Variants in IL1RAPL1 observed in about 807,000 individuals in gnomAD.
The protein encoded by IL1RAPL1 is interleukin-1 receptor accessory protein-like 1.
In IL1RAPL1, 3 loss-of-function variants were observed where a neutral mutation model predicts 48.4. That is an observed-to-expected ratio of 0.06 (90% CI 0.03 to 0.16). The LOEUF (loss-of-function observed/expected upper bound fraction) is 0.16, where lower values mean the gene tolerates loss of function less well. Ranked by LOEUF, IL1RAPL1 falls within the 10% of genes least tolerant of loss-of-function variation. IL1RAPL1 has a pLI of 1.00. For missense variants in IL1RAPL1, 349 were observed against 530.6 expected, an observed-to-expected ratio of 0.66 and a Z score of 3.36; for synonymous variants, 185 against 187.7, an observed-to-expected ratio of 0.99 and a Z score of 0.12.
intron 2 of IL1RAPL1, among the ~76,000 whole-genome samples, chrX:29,064,907 T>G (rs1927421968): frequency 8.9e-6 from 1 of 112,132 alleles, no homozygotes; most frequent in Non-Finnish European, 1.9e-5. Context: ...TTATAGAGTT[T>G]GGTGTAGTAA....
At chrX:28,791,939 G>A (rs1463599802) in intron 2 of IL1RAPL1, among the ~76,000 whole-genome samples, 2 of 111,794 alleles carry the variant, frequency 1.8e-5, no homozygotes, top group Non-Finnish European at 1.9e-5. Flanking sequence ...GAAGAGGAGT[G>A]TAGTTGGCAT....
At chrX:29,565,536 T>C (rs1922371748) in intron 5 of IL1RAPL1, among the ~76,000 whole-genome samples, 2 of 112,230 alleles carry the variant, frequency 1.8e-5, no homozygotes, top group Non-Finnish European at 3.8e-5. Context: ...AATAAGCACA[T>C]GTAGTTTTTC....
At chrX:29,928,701 G>GAGAT (rs749886452) in intron 8 of IL1RAPL1, among the ~76,000 whole-genome samples, 2 of 111,931 alleles carry the variant, frequency 1.8e-5, no homozygotes, top group East Asian at 5.6e-4. Flanking sequence ...TGGGAAGAGG[G>GAGAT]AGATAGCTGT....
At chrX:29,467,204 A>G (rs1377657039) in intron 5 of IL1RAPL1, among the ~76,000 whole-genome samples, 2 of 112,302 alleles carry the variant, frequency 1.8e-5, no homozygotes, top group African/African-American at 6.5e-5. Context: ...GCCTAGGTAT[A>G]TAATAGATAT....
chrX:29,443,172 A>G (rs890565281), intron 5 of IL1RAPL1, among the ~76,000 whole-genome samples: 1 of 108,789 alleles, frequency 9.2e-6, no homozygotes, highest in African/African-American at 3.4e-5. Flanking sequence ...AATGTGTCTC[A>G]TTCAGAGTGG....
At chrX:29,356,400 ATTATG>A (rs1050173230) in intron 3 of IL1RAPL1, among the ~76,000 whole-genome samples, 2 of 79,266 alleles carry the variant, frequency 2.5e-5, no homozygotes, top group African/African-American at 9.0e-5. Context: ...TTTTATGTAA[ATTATG>A]TTATATATCA....
chrX:29,797,697 A>G (rs780246089), intron 6 of IL1RAPL1, among the ~76,000 whole-genome samples: 2 of 110,407 alleles, frequency 1.8e-5, no homozygotes, highest in African/African-American at 6.6e-5. Context: ...ACATGGTGAA[A>G]CCCTGTCTCT....
intron 1 of IL1RAPL1, among the ~76,000 whole-genome samples, chrX:28,763,687 T>C (rs1182592733): frequency 9.0e-6 from 1 of 111,354 alleles, no homozygotes; most frequent in Non-Finnish European, 1.9e-5. Context: ...TCTCTAGTCC[T>C]ATGTTATGTC....
At chrX:29,394,509 A>AGAT (rs750782689) in intron 3 of IL1RAPL1, among the ~76,000 whole-genome samples, 20 of 112,386 alleles carry the variant, frequency 1.8e-4, no homozygotes, top group African/African-American at 6.5e-4. Context: ...CCGTTACCTC[A>AGAT]GATAACCCTT....
chrX:29,580,637 T>C (rs1394775525), intron 5 of IL1RAPL1, among the ~76,000 whole-genome samples: 1 of 111,736 alleles, frequency 8.9e-6, no homozygotes, highest in African/African-American at 3.2e-5. Flanking sequence ...AGTTAGACTC[T>C]AAGATGTAGG....
At chrX:29,003,968 C>T (rs748816833) in intron 2 of IL1RAPL1, among the ~76,000 whole-genome samples, 1 of 111,340 alleles carries the variant, frequency 9.0e-6, no homozygotes, top group South Asian at 3.8e-4. Context: ...ATGGCAGAAC[C>T]CCGTCTCTAC....
intron 2 of IL1RAPL1, among the ~76,000 whole-genome samples, chrX:29,136,312 A>G (rs1929126521): frequency 9.1e-6 from 1 of 109,638 alleles, no homozygotes; most frequent in Admixed American, 9.7e-5. Context: ...TTTTTAGTAG[A>G]GACGGGGTTT....
chrX:29,158,941 TCCCTCC>T (rs1569248665), intron 2 of IL1RAPL1, among the ~76,000 whole-genome samples: 5 of 33,335 alleles, frequency 1.5e-4, no homozygotes, highest in South Asian at 2.8e-3. Context: ...TCCCCCCCCC[TCCCTCC>T]CTCTCCCTCT....
intron 2 of IL1RAPL1, among the ~76,000 whole-genome samples, chrX:28,886,731 TTAAG>T (rs1922639818): frequency 9.0e-6 from 1 of 111,185 alleles, no homozygotes; most frequent in Non-Finnish European, 1.9e-5. Flanking sequence ...AAACACTGAA[TTAAG>T]TTTTAAATTA....
chrX:29,254,175 A>C (rs1427689604), intron 2 of IL1RAPL1, among the ~76,000 whole-genome samples: 1 of 111,509 alleles, frequency 9.0e-6, no homozygotes, highest in Non-Finnish European at 1.9e-5. Context: ...GAAAAAGCAA[A>C]AAATTAAATG....
At chrX:29,022,154 C>T (rs145109400) in intron 2 of IL1RAPL1, among the ~76,000 whole-genome samples, 85 of 111,360 alleles carry the variant, frequency 7.6e-4, no homozygotes, top group East Asian at 4.8e-3. Flanking sequence ...GTCTATGTGT[C>T]TGAAGCTACA....
At chrX:29,510,681 A>G (rs930621369) in intron 5 of IL1RAPL1, among the ~76,000 whole-genome samples, 2 of 111,525 alleles carry the variant, frequency 1.8e-5, no homozygotes, top group Non-Finnish European at 3.8e-5. Context: ...AAACCATTCT[A>G]TCTCTTCTAG....
At chrX:29,085,681 A>G (rs1022184833) in intron 2 of IL1RAPL1, among the ~76,000 whole-genome samples, 2 of 111,760 alleles carry the variant, frequency 1.8e-5, no homozygotes, top group Non-Finnish European at 3.8e-5. Context: ...CCAAATAGAA[A>G]TGTGTATAAA....
At chrX:28,712,641 T>G (rs1032757183) in intron 1 of IL1RAPL1, among the ~76,000 whole-genome samples, 1 of 111,181 alleles carries the variant, frequency 9.0e-6, no homozygotes, top group African/African-American at 3.3e-5. Context: ...TCTTTGAATA[T>G]TAATCCAGTA....
Sources: gnomAD v4.1 joint callset for allele counts (sites outside exome capture counted in the v4.1 genomes callset) on GRCh38, gnomAD v4.1.1 for gene constraint, MANE v1.5 for transcripts, NCBI Gene and HGNC (gene_info 2026-07-23, HGNC 2026-07-21) for gene names.